SFMBT2: variants seen among roughly 807,000 people sequenced by gnomAD.
SFMBT2 encodes the protein Scm like with four mbt domains 2.
A neutral mutation model predicts 110.1 loss-of-function variants in SFMBT2; 38 were observed. The observed-to-expected ratio is 0.35, with a 90% confidence interval of 0.27 to 0.45. The LOEUF is 0.45. SFMBT2 is among the 20% of genes least tolerant of loss of function. The pLI, the probability that SFMBT2 is intolerant of heterozygous loss-of-function variation, is 1.00. For synonymous variants in SFMBT2, 425 were observed against 425.4 expected (o/e 1.00, Z 0.01); for missense variants, 1,011 against 1,094.9 (o/e 0.92, Z 1.08).
intron 4 of SFMBT2, among the ~76,000 whole-genome samples, chr10:7,330,841 C>T (rs1843541690): frequency 6.6e-6 from 1 of 152,216 alleles, no homozygotes; most frequent in African/African-American, 2.4e-5. Context: ...AACAGAGGAA[C>T]AAAGACAAGG....
chr10:7,250,459 G>A (rs972292661), intron 7 of SFMBT2, among the ~76,000 whole-genome samples: 3 of 152,152 alleles, frequency 2.0e-5, no homozygotes, highest in African/African-American at 7.2e-5. Context: ...TGGTATATAT[G>A]TACCACATTT....
chr10:7,355,397 A>T (rs1844471828), intron 4 of SFMBT2, among the ~76,000 whole-genome samples: 1 of 152,238 alleles, frequency 6.6e-6, no homozygotes. Context: ...CAGTTCTAGC[A>T]TTCAACATTC....
intron 4 of SFMBT2, among the ~76,000 whole-genome samples, chr10:7,315,983 TG>T (rs976324036): frequency 6.6e-6 from 1 of 152,126 alleles, no homozygotes; most frequent in African/African-American, 2.4e-5. Flanking sequence ...CAGGGAAAAC[TG>T]GAAGTGTCAG....
chr10:7,280,209 C>G (rs1841911011), intron 6 of SFMBT2, among the ~76,000 whole-genome samples: 1 of 152,212 alleles, frequency 6.6e-6, no homozygotes, highest in Non-Finnish European at 1.5e-5. Flanking sequence ...GCCTCCAGAT[C>G]TCTGAGAAGT....
chr10:7,329,412 C>T lies in SFMBT2; in HGVS notation c.436+38237G>A, dbSNP rs554841794. On this transcript the variant is annotated intron_variant, in intron 4 of 20. Coordinates refer to ENST00000397167, the MANE Select transcript of SFMBT2 (RefSeq NM_001387889.1). Reference sequence around the variant, plus strand: ...CAGCAGCCATCAGCGCAGCACAGCACGGGTGCTAAAGACATCCCCACAACC... The same window carrying T: ...CAGCAGCCATCAGCGCAGCACAGCATGGGTGCTAAAGACATCCCCACAACC... The T allele has an allele frequency of 6.6e-4, 645 of 982,602 alleles. 1 individual carries two copies. The highest frequency in any genetic ancestry group is 1.1e-3 in the South Asian group (23 of 21,234). The allele number at this position is 982,602 out of a possible 1,614,324, so 60.9% of individuals were successfully genotyped here.
intron 7 of SFMBT2, among the ~76,000 whole-genome samples, chr10:7,262,483 T>C (rs1444065586): frequency 1.3e-5 from 2 of 152,198 alleles, no homozygotes; most frequent in Non-Finnish European, 2.9e-5. Context: ...CCAATTACGC[T>C]AAGTTCATGC....
intron 4 of SFMBT2, chr10:7,320,548 G>A: frequency 1.0e-6 from 1 of 962,880 alleles, no homozygotes; most frequent in Non-Finnish European, 1.2e-6. Flanking sequence ...TTTCACTATA[G>A]GAAGTAAGAT....
intron 1 of SFMBT2, among the ~76,000 whole-genome samples, chr10:7,405,500 CT>C (rs1846186833): frequency 1.3e-5 from 2 of 152,202 alleles, no homozygotes; most frequent in South Asian, 4.1e-4. Flanking sequence ...AACAATAGCA[CT>C]TTACTCTGCA....
At chr10:7,198,439 C>A (rs969738942) in intron 14 of SFMBT2, among the ~76,000 whole-genome samples, 3 of 152,194 alleles carry the variant, frequency 2.0e-5, no homozygotes, top group African/African-American at 7.2e-5. Context: ...AGGTAGGCCA[C>A]AGGTCTGCGC....
intron 9 of SFMBT2, among the ~76,000 whole-genome samples, chr10:7,229,214 C>A (rs1840038076): frequency 6.6e-6 from 1 of 152,176 alleles, no homozygotes; most frequent in Admixed American, 6.5e-5. Context: ...TCTATGAGTG[C>A]AAACTCACTT....
At chr10:7,330,593 A>G (rs115499712) in intron 4 of SFMBT2, among the ~76,000 whole-genome samples, 3,357 of 152,230 alleles carry the variant, frequency 0.022, 141 homozygotes, top group African/African-American at 0.074. Flanking sequence ...CCATAATTAT[A>G]CAAGCAAGAA....
intron 6 of SFMBT2, chr10:7,277,329 T>C: frequency 4.7e-6 from 1 of 211,402 alleles, no homozygotes; most frequent in Non-Finnish European, 8.0e-6. Flanking sequence ...ATTCCACCTA[T>C]CACCTAGGAA....
chr10:7,294,175 G>T (rs1225558266), intron 4 of SFMBT2, among the ~76,000 whole-genome samples: 1 of 152,114 alleles, frequency 6.6e-6, no homozygotes, highest in Non-Finnish European at 1.5e-5. Flanking sequence ...TAATATCATG[G>T]CTGTTTTCTA....
intron 4 of SFMBT2, among the ~76,000 whole-genome samples, chr10:7,318,930 T>C (rs1324260166): frequency 6.6e-6 from 1 of 152,158 alleles, no homozygotes; most frequent in Non-Finnish European, 1.5e-5. Context: ...GGGAAGGGTG[T>C]TCCAGGCAGA....
intron 4 of SFMBT2, among the ~76,000 whole-genome samples, chr10:7,310,652 T>C (rs1016034700): frequency 6.6e-6 from 1 of 152,234 alleles, no homozygotes; most frequent in South Asian, 2.1e-4. Flanking sequence ...CAGAATTTTC[T>C]TTTGCTAAGG....
chr10:7,330,706 C>T (rs1843538805), intron 4 of SFMBT2, among the ~76,000 whole-genome samples: 2 of 152,190 alleles, frequency 1.3e-5, no homozygotes, highest in Non-Finnish European at 1.5e-5. Flanking sequence ...CTCTATCCCC[C>T]ATCACTCCCT....
intron 2 of SFMBT2, among the ~76,000 whole-genome samples, chr10:7,380,516 C>T (rs1310695441): frequency 6.6e-6 from 1 of 152,178 alleles, no homozygotes; most frequent in African/African-American, 2.4e-5. Flanking sequence ...AACTTTGTGA[C>T]TTCTTTGGAC....
At position 7,172,865 on chromosome 10, in the gene SFMBT2, G is replaced by A. The variant is rs189975466; in HGVS notation, c.1985-204C>T. Among the ~76,000 whole-genome samples the A allele has an allele frequency of 5.3e-4, 80 of 152,266 alleles. No homozygotes were observed. In the East Asian group the frequency reaches 0.012, roughly 22 times the overall value. ...AAGGTGTTCGGGCTGAACTTGGCCCGTCCCCAGTGTTGAAGCCCAAACCCC... is the reference window on the plus strand; with the variant it reads ...AAGGTGTTCGGGCTGAACTTGGCCCATCCCCAGTGTTGAAGCCCAAACCCC... On this transcript the variant is annotated intron_variant, in intron 17 of 20. Transcript: ENST00000397167. This position sits in a 1 kb window ranked among gnomAD's most constrained non-coding sequence, Gnocchi z 4.6.
rs1380919628 is a variant in SFMBT2 at position 7,207,477 on chromosome 10, GGA to G, written c.1331-1551_1331-1550del. 3.8e-3 allele frequency: 67 copies of G among 17,490 alleles called. No individual in the cohort carries two copies. The East Asian group carries it at 0.066, about 17-fold the overall frequency. 1.1% of individuals were successfully genotyped at this position (17,490 alleles called of 1,614,324 possible). ...AGAAAGAAAAAGAAAGAAAGAGAAA[GGA>G]AGGAAGGAAGGAAGGAAAGGGAGGA... On this transcript the variant is annotated intron_variant, in intron 11 of 20. Coordinates refer to ENST00000397167, the MANE Select transcript of SFMBT2 (RefSeq NM_001387889.1).
Sources: allele counts gnomAD v4.1 joint callset (sites outside exome capture counted in the v4.1 genomes callset), GRCh38; gene constraint gnomAD v4.1.1; non-coding constraint Gnocchi (gnomAD v3.1); transcripts MANE v1.5; gene names NCBI Gene and HGNC (gene_info 2026-07-23, HGNC 2026-07-21).